The following SORBS3 variants were observed in gnomAD, a reference collection of about 807,000 sequenced individuals.
The protein encoded by SORBS3 is sorbin and SH3 domain containing 3.
Under a neutral mutation model 98.0 loss-of-function variants are expected in SORBS3, and 69 were observed. The ratio of observed to expected loss-of-function variants is 0.70; its 90% CI spans 0.58 to 0.86. The LOEUF is 0.86. Ranked by LOEUF, SORBS3 falls within the 40% of genes least tolerant of loss-of-function variation. The pLI is 0.00. For missense variants in SORBS3, 954 were observed against 908.5 expected (o/e 1.05, Z -0.64); for synonymous variants, 394 against 355.4 (o/e 1.11, Z -1.22).
chr8:22,551,621 G>A, upstream of SORBS3: 1 of 492,466 alleles, frequency 2.0e-6, no homozygotes, highest in South Asian at 8.6e-5. The surrounding 1 kb of genome is among the most constrained non-coding windows in gnomAD (Gnocchi z 5.8). Context: ...GGCTCCCCGG[G>A]GACCCTCGGC....
chr8:22,567,024 C>T (rs570156754), intron 15 of SORBS3, 37 bp from the exon 16 acceptor site: 1 of 1,582,100 alleles, frequency 6.3e-7, no homozygotes, highest in Admixed American at 1.7e-5. Flanking sequence ...CTTGGGAAGG[C>T]TTCAGCTTAC....
In SORBS3 at chr8:22,556,784, C is replaced by T. The variant is rs757132781; in HGVS notation, c.290C>T (p.Ser97Phe). ...KPSASTKIPA[S>F]QHTQNWSATW... ...TCTGCAAGCACAAAGATCCCTGCCT[C>T]CCAGCACACCCAGAACTGGTCAGCC... Residue 97 changes from serine (S) to phenylalanine (F), a missense_variant, in exon 4 of 21, where the codon TCC becomes TTC. By Grantham distance (155) the Ser-to-Phe change is radical. Coordinates refer to ENST00000240123, the MANE Select transcript of SORBS3 (RefSeq NM_005775.5). 1 of 1,613,828 alleles carries T rather than the reference C, an allele frequency of 6.2e-7. No homozygotes were observed. Among genetic ancestry groups the T allele is most frequent in the Non-Finnish European group, 8.5e-7 (1 of 1,180,042 alleles).
chr8:22,571,864 C>T, intron 19 of SORBS3, 43 bp downstream of exon 19: 1 of 1,379,312 alleles, frequency 7.2e-7, no homozygotes, highest in Non-Finnish European at 1.0e-6. Context: ...TGGGGGGGGT[C>T]ACTGGCAGGC....
chr8:22,558,598 C>T (rs907145319), intron 5 of SORBS3, among the ~76,000 whole-genome samples: 3 of 152,246 alleles, frequency 2.0e-5, no homozygotes, highest in Non-Finnish European at 4.4e-5. Flanking sequence ...GGTCACCCAT[C>T]CATTCAGTGA....
chr8:22,566,118 G>T lies in SORBS3; in HGVS notation c.951-227G>T, dbSNP rs1840411283. ...GCCGCCGGGGGCGCAGCGCGGTTAG[G>T]GCGGCCCCGCCACGGCCCAGGCACT... On this transcript the variant is annotated intron_variant, in intron 12 of 20. Coordinates refer to ENST00000240123, the MANE Select transcript of SORBS3 (RefSeq NM_005775.5). 7 of 601,508 alleles carry T rather than the reference G, an allele frequency of 1.2e-5. 1 individual carries two copies. In the South Asian group the frequency reaches 3.5e-4, roughly 30 times the overall value. 37.3% of individuals were successfully genotyped at this position (601,508 alleles called of 1,614,324 possible). A position where few individuals can be genotyped will look rare whatever the true frequency, so the allele number is the denominator to read the frequency against.
chr8:22,549,427 C>A (rs998964889), upstream of SORBS3, among the ~76,000 whole-genome samples: 1 of 152,204 alleles, frequency 6.6e-6, no homozygotes, highest in Non-Finnish European at 1.5e-5. Flanking sequence ...AAATCAGACA[C>A]CTGGTTCCTG....
chr8:22,561,117 G>T, intron 5 of SORBS3: 1 of 478,448 alleles, frequency 2.1e-6, no homozygotes, highest in Non-Finnish European at 3.7e-6. Flanking sequence ...GCGGCTGCCC[G>T]CTTGGCTCGC....
intron 1 of SORBS3, among the ~76,000 whole-genome samples, chr8:22,552,762 C>G (rs747840823): frequency 6.6e-6 from 1 of 152,204 alleles, no homozygotes; most frequent in Non-Finnish European, 1.5e-5. Flanking sequence ...AGGGGTGCTG[C>G]GAGGAGCCGA....
chr8:22,556,812 G>T lies in SORBS3; in HGVS notation c.318G>T (p.Thr106=). Residue 106 remains threonine, a synonymous_variant, in exon 4 of 21, where the codon ACG becomes ACT. Transcript: ENST00000240123. ...ASQHTQNWSA[T]WTKDSKRRDK... Reference sequence around the variant, plus strand: ...AGCACACCCAGAACTGGTCAGCCACGTGGACCAAGGACAGCAAGCGTCGGG... The same window carrying T: ...AGCACACCCAGAACTGGTCAGCCACTTGGACCAAGGACAGCAAGCGTCGGG... 6.2e-7 allele frequency: 1 copy of T among 1,613,774 alleles called. No individual in the cohort carries two copies. The highest frequency in any genetic ancestry group is 2.2e-5 in the East Asian group (1 of 44,892).
intron 20 of SORBS3, among the ~76,000 whole-genome samples, chr8:22,574,030 C>T (rs574846068): frequency 1.3e-5 from 2 of 152,272 alleles, no homozygotes; most frequent in South Asian, 2.1e-4. Context: ...TCCCCAGTGA[C>T]TCCATCAGTG....
At position 22,575,135 on chromosome 8, in the gene SORBS3, A is replaced by C. The variant is rs1166657207; in HGVS notation, c.*407A>C. ...GAACCAGCTTCCTAGCCTCGTAGAG[A>C]CCAAAGGCCGCCCCCGCCTGCTGGG... On this transcript the variant is annotated 3_prime_UTR_variant, in exon 21 of 21. Coordinates refer to ENST00000240123, the MANE Select transcript of SORBS3 (RefSeq NM_005775.5). The C allele has an allele frequency of 3.0e-6, 1 of 335,490 alleles. No individual in the cohort carries two copies. Among genetic ancestry groups the C allele is most frequent in the Non-Finnish European group, 5.9e-6 (1 of 169,336 alleles). 20.8% of individuals were successfully genotyped at this position (335,490 alleles called of 1,614,324 possible).
At chr8:22,561,585 C>T (rs1279521747) in intron 6 of SORBS3, 3 of 621,528 alleles carry the variant, frequency 4.8e-6, no homozygotes, top group Non-Finnish European at 8.6e-6. Flanking sequence ...GCGCGCTCTG[C>T]CACTCCCTGG....
intron 20 of SORBS3, among the ~76,000 whole-genome samples, chr8:22,573,169 C>T (rs1203138902): frequency 6.6e-6 from 1 of 152,200 alleles, no homozygotes; most frequent in Non-Finnish European, 1.5e-5. Context: ...AGTACAGCTG[C>T]CAGCCAGCTG....
intron 1 of SORBS3, chr8:22,545,251 G>T (rs1840005070): frequency 6.6e-6 from 1 of 152,346 alleles, no homozygotes; most frequent in African/African-American, 2.4e-5. Context: ...TGAGACGCCT[G>T]GAGGAAAGCT....
At position 22,571,238 on chromosome 8, in the gene SORBS3, C is replaced by T. The variant is rs55893847; in HGVS notation, c.1743+17C>T. ...CAGACCCAGGTGAGGTAGCCTGCCT[C>T]CACCAGAGAGTCGACCTCCTCCTCA... is the stretch of plus-strand genomic sequence containing the variant. On this transcript the variant is annotated intron_variant, in intron 18 of 20. Transcript: ENST00000240123. 6.7e-7 allele frequency: 1 copy of T among 1,499,466 alleles called. No individual in the cohort carries two copies. The highest frequency in any genetic ancestry group is 1.3e-5 in the South Asian group (1 of 78,592). The allele number at this position is 1,499,466 out of a possible 1,614,324, so 92.9% of individuals were successfully genotyped here.
At chr8:22,565,582 C>T (rs978349290) in intron 11 of SORBS3, 24 of 670,818 alleles carry the variant, frequency 3.6e-5, no homozygotes, top group Middle Eastern at 4.9e-4. Flanking sequence ...TCTAAGCGGA[C>T]TCCACGTCAG....
In SORBS3 at chr8:22,574,891, C is replaced by G; in HGVS notation, c.*163C>G. 1.4e-6 allele frequency: 1 copy of G among 721,940 alleles called. No individual in the cohort carries two copies. 44.7% of individuals were successfully genotyped at this position (721,940 alleles called of 1,614,324 possible). ...TTCCCTCGGACCCCCCTCGAAGCCC[C>G]CTGGACTGATTCCCACCCACGACTC... On this transcript the variant is annotated 3_prime_UTR_variant, in exon 21 of 21. Transcript: ENST00000240123.
intron 11 of SORBS3, 95 bp from the exon 12 acceptor site, chr8:22,565,731 C>A: frequency 7.9e-7 from 1 of 1,262,732 alleles, no homozygotes; most frequent in Non-Finnish European, 1.0e-6. Flanking sequence ...CCGCTCTCCT[C>A]CCCTCCCGAG....
At chr8:22,555,914 C>T (rs1346104014) in intron 3 of SORBS3, among the ~76,000 whole-genome samples, 2 of 152,172 alleles carry the variant, frequency 1.3e-5, no homozygotes, top group Non-Finnish European at 2.9e-5. Context: ...ACACCCAGAG[C>T]GTGCTGGACA....
Sources: gnomAD v4.1 joint callset for allele counts (sites outside exome capture counted in the v4.1 genomes callset) on GRCh38, gnomAD v4.1.1 for gene constraint, Gnocchi (gnomAD v3.1) non-coding constraint, MANE v1.5 for transcripts, NCBI Gene and HGNC (gene_info 2026-07-23, HGNC 2026-07-21) for gene names.